Variants in ZNF625 observed in about 807,000 individuals in gnomAD.
The protein encoded by ZNF625 is zinc finger protein 625.
Under a neutral mutation model 11.1 loss-of-function variants are expected in ZNF625, and 8 were observed. That is an observed-to-expected ratio of 0.72 (90% CI 0.42 to 1.30). ZNF625 has a LOEUF of 1.30. ZNF625 is among the 50% of genes most tolerant of loss of function. The probability of loss-of-function intolerance (pLI) is 0.01; values close to 1 mark genes in which losing one functional copy is unlikely to be tolerated. For synonymous variants in ZNF625, 145 were observed against 153.4 expected, an observed-to-expected ratio of 0.95 and a Z score of 0.41; for missense variants, 349 against 447.6, an observed-to-expected ratio of 0.78 and a Z score of 1.99.
chr19:12,155,926 A>C (rs1458031528), intron 1 of ZNF625, among the ~76,000 whole-genome samples: 1 of 152,090 alleles, frequency 6.6e-6, no homozygotes, highest in East Asian at 1.9e-4. Context: ...ATCTCGGCTC[A>C]CTGCAGTCCC....
At chr19:12,154,089 G>C (rs1030927958) in intron 1 of ZNF625, among the ~76,000 whole-genome samples, 1 of 152,124 alleles carries the variant, frequency 6.6e-6, no homozygotes, top group Admixed American at 6.5e-5. Flanking sequence ...TTATAGGCGT[G>C]AGCCACCCCG....
Position 12,144,977 on chromosome 19 carries a change from G to A in ZNF625, c.*320C>T, listed in dbSNP as rs928660382. 6 of 234,252 alleles carry A rather than the reference G, an allele frequency of 2.6e-5. No individual in the cohort carries two copies. Among genetic ancestry groups the A allele is most frequent in the Non-Finnish European group, 3.3e-5 (4 of 121,206 alleles). 14.5% of individuals were successfully genotyped at this position (234,252 alleles called of 1,614,324 possible). A position where few individuals can be genotyped will look rare whatever the true frequency, so the allele number is the denominator to read the frequency against. Reference sequence around the variant, plus strand: ...GGTCCGCCTGCCTCGGCCTCCCAAAGTGCTGGGATTATAGGCATGAGCCAC... The same window carrying A: ...GGTCCGCCTGCCTCGGCCTCCCAAAATGCTGGGATTATAGGCATGAGCCAC... On this transcript the variant is annotated 3_prime_UTR_variant, in exon 4 of 4. Transcript: ENST00000439556.
intron 1 of ZNF625, 129 bp from the exon 2 acceptor site, chr19:12,147,931 C>G (rs1439102180): frequency 3.6e-6 from 4 of 1,119,538 alleles, no homozygotes; most frequent in South Asian, 1.9e-5. Context: ...GGTCATCAGA[C>G]TTTTTACTCT....
intron 1 of ZNF625, among the ~76,000 whole-genome samples, chr19:12,151,481 C>T (rs962807479): frequency 2.0e-5 from 3 of 150,328 alleles, no homozygotes; most frequent in South Asian, 2.1e-4. Context: ...CCTGGGTTAA[C>T]GCCTTTCTCC....
rs1436056667 is a variant in ZNF625, at chr19:12,156,676, G to T, written c.-118C>A. ...GAGGCACCTGGTCCCTCTCGGGGCCGGAAAACCGAGATCCCGACCTCCCTT... is the reference window on the plus strand; with the variant it reads ...GAGGCACCTGGTCCCTCTCGGGGCCTGAAAACCGAGATCCCGACCTCCCTT... On this transcript the variant is annotated 5_prime_UTR_variant, in exon 1 of 4. Coordinates refer to ENST00000439556, the MANE Select transcript of ZNF625 (RefSeq NM_145233.4). 1.9e-6 allele frequency: 2 copies of T among 1,035,046 alleles called. No homozygotes were observed. The highest frequency in any genetic ancestry group is 6.5e-5 in the East Asian group (2 of 30,818). 64.1% of individuals were successfully genotyped at this position (1,035,046 alleles called of 1,614,324 possible).
chr19:12,147,861 T>C, intron 1 of ZNF625, 59 bp from the exon 2 acceptor site: 1 of 1,586,890 alleles, frequency 6.3e-7, no homozygotes. Context: ...TGGGTTCCTA[T>C]ACTCTATTCC....
intron 1 of ZNF625, among the ~76,000 whole-genome samples, chr19:12,154,348 G>C (rs568269076): frequency 6.6e-6 from 1 of 152,072 alleles, no homozygotes; most frequent in Non-Finnish European, 1.5e-5. Flanking sequence ...CTACAGGTGG[G>C]TGCAACCACA....
Position 12,145,416 on chromosome 19 carries a change from T to C in ZNF625, c.1000A>G (p.Lys334Glu), listed in dbSNP as rs1331990163. The change falls in exon 4 of 4, where the codon AAA becomes GAA. Residue 334 changes from lysine to glutamate, a missense_variant. Coordinates refer to ENST00000439556, the MANE Select transcript of ZNF625 (RefSeq NM_145233.4). ...CATCCAAAGGCTTTACCACATTGTT[T>C]ACATTCATAGGGTTTCTCTCCAGTG... ...THTGEKPYECKQCGKAFGCAS... is the reference protein window; with the variant it reads ...THTGEKPYECEQCGKAFGCAS... The C allele has an allele frequency of 1.2e-6, 2 of 1,614,118 alleles. No homozygotes were observed. The highest frequency in any genetic ancestry group is 1.7e-6 in the Non-Finnish European group (2 of 1,180,044).
intron 1 of ZNF625, 142 bp downstream of exon 1, chr19:12,156,414 C>A (rs917296359): frequency 6.6e-6 from 4 of 609,462 alleles, no homozygotes; most frequent in African/African-American, 5.7e-5. Context: ...GCCGAAGGGA[C>A]CGAGGGCCGA....
chr19:12,148,048 T>G (rs12459328), intron 1 of ZNF625, among the ~76,000 whole-genome samples: 1,563 of 152,256 alleles, frequency 0.01, 70 homozygotes, highest in Admixed American at 0.078. Flanking sequence ...GGCATGATCT[T>G]GGCTCACTGC....
chr19:12,153,969 G>A (rs1365511851), intron 1 of ZNF625, among the ~76,000 whole-genome samples: 1 of 151,372 alleles, frequency 6.6e-6, no homozygotes, highest in Non-Finnish European at 1.5e-5. Flanking sequence ...CGCCATGTCC[G>A]GCTAATTTTT....
intron 1 of ZNF625, among the ~76,000 whole-genome samples, chr19:12,154,981 G>A (rs528489509): frequency 3.3e-5 from 5 of 151,964 alleles, no homozygotes; most frequent in Admixed American, 1.3e-4. Flanking sequence ...TTTGGGAGGC[G>A]GAGGGAGGCG....
At chr19:12,156,434 G>C (rs1302517215) in intron 1 of ZNF625, 122 bp downstream of exon 1, 8 of 778,040 alleles carry the variant, frequency 1.0e-5, no homozygotes, top group South Asian at 8.6e-5. Context: ...AGCTACGCCA[G>C]GGGGACTCCG....
rs777481310 is a variant in ZNF625, at chr19:12,145,933, T to G, written c.483A>C (p.Lys161Asn). ...TTCCACATTCCTCACAATCATAAGG[T>G]TTCCCCCCAGTGTGAGCCCATTCAT... ...RTHEWAHTGGKPYDCEECGKS... is the reference protein window; with the variant it reads ...RTHEWAHTGGNPYDCEECGKS... The change falls in exon 4 of 4, where the codon AAA becomes AAC. Residue 161 changes from lysine to asparagine, a missense_variant. By Grantham distance (94) the Lys-to-Asn change is moderately conservative (BLOSUM62 0). Transcript: ENST00000439556. 18 of 1,613,960 alleles carry G rather than the reference T, an allele frequency of 1.1e-5. No homozygotes were observed. Among genetic ancestry groups the G allele is most frequent in the Non-Finnish European group, 1.4e-5 (16 of 1,180,006 alleles).
Position 12,145,755 on chromosome 19 carries a change from A to G in ZNF625, c.661T>C (p.Cys221Arg). 6.2e-7 allele frequency: 1 copy of G among 1,614,220 alleles called. No individual in the cohort carries two copies. The highest frequency in any genetic ancestry group is 1.1e-5 in the South Asian group (1 of 91,088). Residue 221 changes from cysteine (C) to arginine (R), a missense_variant, in exon 4 of 4, where the codon TGT becomes CGT. Physicochemically the swap from Cys to Arg is radical, Grantham distance 180 (BLOSUM62 -3). Coordinates refer to ENST00000439556, the MANE Select transcript of ZNF625 (RefSeq NM_145233.4). Reference sequence around the variant, plus strand: ...CTAAAGGCTTTACCACACTGTTTACATTCATATGGTTTCTCTCCAGTGTGA... The same window carrying G: ...CTAAAGGCTTTACCACACTGTTTACGTTCATATGGTTTCTCTCCAGTGTGA... ...RTHTGEKPYE[C>R]KQCGKAFSHS...
At chr19:12,146,970 A>ATTTTT (rs934558893) in intron 3 of ZNF625, among the ~76,000 whole-genome samples, 8 of 130,856 alleles carry the variant, frequency 6.1e-5, no homozygotes, top group Middle Eastern at 7.9e-3. Flanking sequence ...GTTTTTAGAG[A>ATTTTT]TTTTTTTTTT....
intron 1 of ZNF625, among the ~76,000 whole-genome samples, chr19:12,152,229 T>G (rs910354363): frequency 6.6e-6 from 1 of 152,086 alleles, no homozygotes; most frequent in African/African-American, 2.4e-5. Context: ...ATGCAACATA[T>G]GTACATGTAT....
chr19:12,149,547 G>T (rs778671763), intron 1 of ZNF625, among the ~76,000 whole-genome samples: 4 of 152,044 alleles, frequency 2.6e-5, no homozygotes, highest in Non-Finnish European at 4.4e-5. Context: ...TAAATCAACT[G>T]TACAGTTAAA....
At chr19:12,151,038 G>A (rs1156531557) in intron 1 of ZNF625, among the ~76,000 whole-genome samples, 1 of 151,922 alleles carries the variant, frequency 6.6e-6, no homozygotes, top group Non-Finnish European at 1.5e-5. Context: ...AGGACCAGGT[G>A]TAGAATTTTC....
Sources: allele counts gnomAD v4.1 joint callset (sites outside exome capture counted in the v4.1 genomes callset), GRCh38; gene constraint gnomAD v4.1.1; transcripts MANE v1.5; gene names NCBI Gene and HGNC (gene_info 2026-07-23, HGNC 2026-07-21).